Variants in CABIN1 observed in about 807,000 individuals in gnomAD.
CABIN1 encodes calcineurin-binding protein cabin-1.
A neutral mutation model predicts 227.7 loss-of-function variants in CABIN1; 133 were observed. That is an observed-to-expected ratio of 0.58 (90% CI 0.51 to 0.67). CABIN1 has a LOEUF of 0.67. CABIN1 is among the 30% of genes least tolerant of loss of function. The pLI is 0.00. For missense variants in CABIN1, 2,408 were observed against 2,852.5 expected (o/e 0.84, Z 3.55); for synonymous variants, 1,086 against 1,155.1 (o/e 0.94, Z 1.21).
intron 6 of CABIN1, among the ~76,000 whole-genome samples, chr22:24,047,679 A>G (rs2038002176): frequency 6.6e-6 from 1 of 152,192 alleles, no homozygotes; most frequent in Non-Finnish European, 1.5e-5. Flanking sequence ...TCTCCTCCCA[A>G]GCACACTAGG....
At chr22:24,067,959 A>T (rs950767008) in intron 16 of CABIN1, among the ~76,000 whole-genome samples, 2 of 152,040 alleles carry the variant, frequency 1.3e-5, no homozygotes, top group South Asian at 2.1e-4. Context: ...AGTGGCATTG[A>T]GTCCTGGTCC....
chr22:24,115,584 C>T (rs2043037829), intron 27 of CABIN1, among the ~76,000 whole-genome samples: 1 of 152,214 alleles, frequency 6.6e-6, no homozygotes, highest in Non-Finnish European at 1.5e-5. Flanking sequence ...CCCAAGCCCA[C>T]AGCCAGCAGA....
chr22:24,050,770 A>T (rs1487772640), intron 7 of CABIN1, 55 bp from the exon 8 acceptor site: 2 of 1,607,020 alleles, frequency 1.2e-6, no homozygotes, highest in Non-Finnish European at 1.7e-6. Context: ...GTAAAATTTC[A>T]GCCTCAGTTT....
intron 1 of CABIN1, among the ~76,000 whole-genome samples, chr22:24,033,733 C>T (rs897383825): frequency 1.3e-5 from 2 of 152,230 alleles, no homozygotes; most frequent in Non-Finnish European, 2.9e-5. Context: ...ATCTGGGATC[C>T]TGGCATCTTT....
chr22:24,106,740 G>A (rs1473803994), intron 26 of CABIN1, among the ~76,000 whole-genome samples: 1 of 152,220 alleles, frequency 6.6e-6, no homozygotes, highest in African/African-American at 2.4e-5. Flanking sequence ...GAGAAAGTTT[G>A]CTTCCCCAGA....
chr22:24,092,687 A>AGT (rs3221282), intron 24 of CABIN1, among the ~76,000 whole-genome samples: 53,475 of 138,448 alleles, frequency 0.39, 10,112 homozygotes, highest in Non-Finnish European at 0.42. Context: ...TGATTATAAA[A>AGT]GTGTGTGTGT....
intron 26 of CABIN1, among the ~76,000 whole-genome samples, chr22:24,105,357 A>T (rs976942518): frequency 6.6e-6 from 1 of 152,240 alleles, no homozygotes; most frequent in Non-Finnish European, 1.5e-5. Flanking sequence ...AGATGCATAG[A>T]CACGAAACAT....
chr22:24,147,328 CTCT>C (rs2045199320), intron 29 of CABIN1, among the ~76,000 whole-genome samples: 1 of 109,890 alleles, frequency 9.1e-6, no homozygotes, highest in Non-Finnish European at 1.9e-5. Context: ...TCCCTCCCTC[CTCT>C]CCTCCCTCCC....
rs986998894 is a variant in CABIN1 at position 24,132,520 on chromosome 22, G to A, written c.4633-1782G>A. Among the ~76,000 whole-genome samples, 8 of 152,150 alleles carry A rather than the reference G, an allele frequency of 5.3e-5. 1 individual carries two copies. The highest frequency in any genetic ancestry group is 1.2e-4 in the African/African-American group (5 of 41,430). On this transcript the variant is annotated intron_variant, in intron 28 of 36. Transcript: ENST00000263119. The stretch of plus-strand genomic sequence containing the variant: ...CAAGAGGCTTCTGAATGAGTGGCCC[G>A]GGAAGCAGGCTTTCCAAAGCCTGGC...
intron 7 of CABIN1, among the ~76,000 whole-genome samples, 200 bp from the exon 8 acceptor site, chr22:24,050,625 T>C (rs572833974): frequency 1.1e-4 from 17 of 152,360 alleles, no homozygotes; most frequent in African/African-American, 3.8e-4. Flanking sequence ...GAACAAAGAA[T>C]ATTAGTCATT....
At chr22:24,016,776 G>A (rs565273668) in intron 1 of CABIN1, among the ~76,000 whole-genome samples, 6 of 152,300 alleles carry the variant, frequency 3.9e-5, no homozygotes, top group African/African-American at 1.4e-4. Flanking sequence ...AATAGCGCCT[G>A]TTTCTCCACA....
chr22:24,059,868 C>A, intron 11 of CABIN1, 56 bp from the exon 12 acceptor site: 2 of 1,456,128 alleles, frequency 1.4e-6, no homozygotes, highest in Non-Finnish European at 9.6e-7. Flanking sequence ...AAATAGGAGA[C>A]CCTGGCATGG....
intron 26 of CABIN1, 37 bp downstream of exon 26, chr22:24,098,229 G>A (rs369040138): frequency 2.7e-4 from 433 of 1,613,376 alleles, no homozygotes; most frequent in Middle Eastern, 1.0e-3. Context: ...AGCCCAGGGC[G>A]GCACATCAAT....
At chr22:24,055,236 C>T in intron 9 of CABIN1, 77 bp downstream of exon 9, 8 of 1,505,534 alleles carry the variant, frequency 5.3e-6, no homozygotes, top group Non-Finnish European at 7.2e-6. Flanking sequence ...TGCTGGGGAG[C>T]CCTGCCTCCC....
intron 19 of CABIN1, among the ~76,000 whole-genome samples, chr22:24,079,721 A>G (rs966713228): frequency 6.6e-6 from 1 of 152,126 alleles, no homozygotes; most frequent in African/African-American, 2.4e-5. Context: ...GCCTGTTCAC[A>G]TGATTTGCCC....
intron 23 of CABIN1, 105 bp downstream of exon 23, chr22:24,087,818 A>G (rs976535325): frequency 1.7e-5 from 24 of 1,436,116 alleles, no homozygotes; most frequent in Non-Finnish European, 2.3e-5. Context: ...TTGTCCACAC[A>G]TCCATGCTGG....
chr22:24,054,730 C>A, intron 8 of CABIN1, 143 bp from the exon 9 acceptor site: 3 of 1,019,924 alleles, frequency 2.9e-6, no homozygotes, highest in Non-Finnish European at 4.6e-6. Flanking sequence ...AGTGATGAAA[C>A]CTTGATCACC....
intron 28 of CABIN1, among the ~76,000 whole-genome samples, chr22:24,132,196 G>A (rs999201946): frequency 2.0e-5 from 3 of 152,224 alleles, no homozygotes; most frequent in South Asian, 2.1e-4. Context: ...ACCAAGTGTC[G>A]CAGTGGGTCA....
At chr22:24,172,087 A>T (rs2046847771) in intron 34 of CABIN1, 92 bp downstream of exon 34, 4 of 1,444,174 alleles carry the variant, frequency 2.8e-6, no homozygotes, top group Non-Finnish European at 3.7e-6. Context: ...TAAGGGAGGC[A>T]AGCAGTGCCC....
Sources: allele counts gnomAD v4.1 joint callset (sites outside exome capture counted in the v4.1 genomes callset), GRCh38; gene constraint gnomAD v4.1.1; transcripts MANE v1.5; gene names NCBI Gene and HGNC (gene_info 2026-07-23, HGNC 2026-07-21).